Variants in CSMD3 observed in about 807,000 individuals in gnomAD.
CSMD3 encodes the protein CUB and Sushi multiple domains 3.
A neutral mutation model predicts 435.2 loss-of-function variants in CSMD3; 177 were observed. That is an observed-to-expected ratio of 0.41 (90% CI 0.36 to 0.46). The LOEUF (loss-of-function observed/expected upper bound fraction) is 0.46, where lower values mean the gene tolerates loss of function less well. Among genes scored for constraint, CSMD3 ranks in the 20% least tolerant of loss-of-function variants. CSMD3 has a pLI of 0.34. For missense variants in CSMD3, 4,265 were observed against 4,504.6 expected (o/e 0.95, Z 1.52); for synonymous variants, 1,656 against 1,520.5 (o/e 1.09, Z -2.07).
intron 6 of CSMD3, among the ~76,000 whole-genome samples, chr8:112,998,192 G>A (rs1206618882): frequency 6.6e-6 from 1 of 151,618 alleles, no homozygotes; most frequent in Non-Finnish European, 1.5e-5. Flanking sequence ...AATAAATAAT[G>A]ATTGTTTTAA....
chr8:113,276,872 G>A (rs571333280), intron 3 of CSMD3, among the ~76,000 whole-genome samples: 5 of 151,954 alleles, frequency 3.3e-5, no homozygotes, highest in African/African-American at 1.2e-4. Flanking sequence ...ACATTTAAAT[G>A]TCAAAAATAT....
At chr8:112,976,249 G>T in intron 6 of CSMD3, 101 bp from the exon 7 acceptor site, 1 of 1,363,660 alleles carries the variant, frequency 7.3e-7, no homozygotes, top group East Asian at 2.5e-5. Context: ...ATTACCTTAA[G>T]GATAATCAAC....
At chr8:113,383,574 T>C (rs940382242) in intron 1 of CSMD3, among the ~76,000 whole-genome samples, 2 of 152,132 alleles carry the variant, frequency 1.3e-5, no homozygotes, top group Non-Finnish European at 2.9e-5. Context: ...ATATAAAGTT[T>C]GGAGAGACAC....
intron 3 of CSMD3, among the ~76,000 whole-genome samples, chr8:113,175,922 A>G (rs1011144913): frequency 6.6e-6 from 1 of 152,038 alleles, no homozygotes; most frequent in African/African-American, 2.4e-5. Flanking sequence ...TAGGTGGGGG[A>G]ATAAAATGAA....
At chr8:113,135,793 T>G (rs1024755823) in intron 4 of CSMD3, among the ~76,000 whole-genome samples, 1 of 151,772 alleles carries the variant, frequency 6.6e-6, no homozygotes, top group South Asian at 2.1e-4. Context: ...CTGGACCTTT[T>G]CCCCACAGGT....
intron 1 of CSMD3, among the ~76,000 whole-genome samples, chr8:113,368,449 G>A (rs900359921): frequency 6.6e-6 from 1 of 152,114 alleles, no homozygotes; most frequent in Non-Finnish European, 1.5e-5. Context: ...ATATCTCTAT[G>A]AGTGTGTACG....
intron 27 of CSMD3, among the ~76,000 whole-genome samples, chr8:112,524,071 TG>T (rs1275697738): frequency 1.3e-5 from 2 of 152,082 alleles, no homozygotes; most frequent in African/African-American, 4.8e-5. Context: ...TTATGCTTGA[TG>T]TTGGAGATAT....
At chr8:112,778,312 T>G (rs2078295945) in intron 13 of CSMD3, among the ~76,000 whole-genome samples, 1 of 151,970 alleles carries the variant, frequency 6.6e-6, no homozygotes, top group Non-Finnish European at 1.5e-5. Context: ...TATCTACTAT[T>G]GTCATATTAT....
intron 32 of CSMD3, among the ~76,000 whole-genome samples, chr8:112,415,289 A>C (rs1811787802): frequency 6.6e-6 from 1 of 152,238 alleles, no homozygotes; most frequent in Admixed American, 6.5e-5. Flanking sequence ...AAAGGAACCA[A>C]GGTACAGCTT....
At position 112,341,673 on chromosome 8, in the gene CSMD3, C is replaced by G. The variant is rs149697289; in HGVS notation, c.6456G>C (p.Gln2152His). Residue 2152 changes from glutamine to histidine, a missense_variant, in exon 42 of 71, where the codon CAG (glutamine) becomes CAC (histidine). Around this residue, in one of 3 missense-constraint regions of CSMD3, gnomAD observed 3,255 missense variants for 3,380.2 expected, o/e 0.96. Coordinates refer to ENST00000297405, the MANE Select transcript of CSMD3 (RefSeq NM_198123.2). ...TGGTTTCTGTAGAAAAATTTACAAA[C>G]TGGAGATGTACACCTGAAGAAGAAA... is the stretch of plus-strand genomic sequence containing the variant. ...NLPIGFGVHLQFVNFSTETIH... is the reference protein window; with the variant it reads ...NLPIGFGVHLHFVNFSTETIH... 1 of 1,603,440 alleles carries G rather than the reference C, an allele frequency of 6.2e-7. No individual in the cohort carries two copies. The highest frequency in any genetic ancestry group is 8.5e-7 in the Non-Finnish European group (1 of 1,170,704).
chr8:113,389,245 C>T (rs1435399839), intron 1 of CSMD3, among the ~76,000 whole-genome samples: 1 of 151,520 alleles, frequency 6.6e-6, no homozygotes, highest in African/African-American at 2.4e-5. Flanking sequence ...TAAACACAAA[C>T]TTTATTATTT....
chr8:112,285,430 G>A (rs1819090759), intron 58 of CSMD3, among the ~76,000 whole-genome samples: 1 of 151,858 alleles, frequency 6.6e-6, no homozygotes, highest in Non-Finnish European at 1.5e-5. Flanking sequence ...TATTAAAACT[G>A]ACCCAGTTAC....
At chr8:113,092,962 G>T (rs1447913924) in intron 5 of CSMD3, among the ~76,000 whole-genome samples, 7 of 151,992 alleles carry the variant, frequency 4.6e-5, no homozygotes, top group African/African-American at 1.7e-4. Context: ...TGTAACTTCA[G>T]TCAAATCAAG....
intron 22 of CSMD3, among the ~76,000 whole-genome samples, chr8:112,621,144 A>G (rs1563777014): frequency 2.0e-5 from 3 of 152,146 alleles, no homozygotes. Flanking sequence ...CTGAGGCAGG[A>G]GAATCGCTTG....
At chr8:113,280,577 G>T (rs552083656) in intron 2 of CSMD3, among the ~76,000 whole-genome samples, 2 of 151,856 alleles carry the variant, frequency 1.3e-5, no homozygotes, top group South Asian at 4.2e-4. Flanking sequence ...CTTGTGAATG[G>T]TCTATCCATT....
intron 10 of CSMD3, among the ~76,000 whole-genome samples, chr8:112,911,317 T>G (rs1304411245): frequency 6.6e-6 from 1 of 151,954 alleles, no homozygotes; most frequent in Non-Finnish European, 1.5e-5. Context: ...ATATATGATA[T>G]TTTGATATTT....
chr8:112,752,669 A>G (rs1035273394), intron 13 of CSMD3, among the ~76,000 whole-genome samples: 1 of 152,220 alleles, frequency 6.6e-6, no homozygotes, highest in Non-Finnish European at 1.5e-5. Context: ...TAAAGAATAA[A>G]AACATAAAAA....
At chr8:112,597,359 AT>A (rs1831831795) in intron 22 of CSMD3, among the ~76,000 whole-genome samples, 1 of 151,160 alleles carries the variant, frequency 6.6e-6, no homozygotes, top group South Asian at 2.1e-4. Flanking sequence ...AGGAGCTGAA[AT>A]TGTGGCAATA....
At chr8:112,769,785 C>T (rs1339939995) in intron 13 of CSMD3, among the ~76,000 whole-genome samples, 1 of 151,748 alleles carries the variant, frequency 6.6e-6, no homozygotes, top group Non-Finnish European at 1.5e-5. Flanking sequence ...AATTAAAAAT[C>T]CCATATTTTC....
Sources: allele counts gnomAD v4.1 joint callset (sites outside exome capture counted in the v4.1 genomes callset), GRCh38; gene constraint gnomAD v4.1.1; regional missense constraint gnomAD v4.1.1; transcripts MANE v1.5; gene names NCBI Gene and HGNC (gene_info 2026-07-23, HGNC 2026-07-21).